The following ACTR6 variants were observed in gnomAD, a reference collection of about 807,000 sequenced individuals.
The protein encoded by ACTR6 is actin-related protein 6.
A neutral mutation model predicts 52.5 loss-of-function variants in ACTR6; 50 were observed. That is an observed-to-expected ratio of 0.95 (90% CI 0.76 to 1.20). The LOEUF (loss-of-function observed/expected upper bound fraction) is 1.20, where lower values mean the gene tolerates loss of function less well. ACTR6 is among the 50% of genes most tolerant of loss of function. ACTR6 has a pLI of 0.00. For missense variants in ACTR6, 344 were observed against 472.4 expected, an observed-to-expected ratio of 0.73 and a Z score of 2.52; for synonymous variants, 135 against 147.2, an observed-to-expected ratio of 0.92 and a Z score of 0.60.
chr12:100,212,184 A>C, intron 6 of ACTR6, 72 bp from the exon 7 acceptor site: 6 of 1,141,176 alleles, frequency 5.3e-6, no homozygotes, highest in Non-Finnish European at 7.4e-6. Flanking sequence ...TAATTCCAGA[A>C]AAAAATTTCA....
In ACTR6 at chr12:100,218,143, T is replaced by G. The variant is rs151186609; in HGVS notation, c.751-272T>G. ...GTGTGAGCCAGGGCACCTGGCCCTC[T>G]TTGTATTTTAAAGTGTGTGGAATAA... is the stretch of plus-strand genomic sequence containing the variant. On this transcript the variant is annotated intron_variant, in intron 8 of 10. Transcript: ENST00000188312. The surrounding 1 kb of genome is among the most constrained non-coding windows in gnomAD (Gnocchi z 4.2). 1.7e-3 allele frequency among the ~76,000 whole-genome samples: 262 copies of G among 152,220 alleles called. 1 individual carries two copies. The highest frequency in any genetic ancestry group is 5.8e-3 in the African/African-American group (242 of 41,556).
In ACTR6 at chr12:100,218,539, T is replaced by C. The variant is rs1313055342; in HGVS notation, c.875T>C (p.Met292Thr). ...CCTTCTGATATAGGCATTCAAGAAA[T>C]GGGAATTCCAGAAGCTATTGTCTAT... ...FNPSDIGIQE[M>T]GIPEAIVYSI... The change falls in exon 9 of 11, where the codon ATG becomes ACG. Residue 292 changes from methionine to threonine, a missense_variant. By Grantham distance (81) the Met-to-Thr change is moderately conservative. Transcript: ENST00000188312. The surrounding 1 kb of genome is among the most constrained non-coding windows in gnomAD (Gnocchi z 4.2). 3 of 1,578,832 alleles carry C rather than the reference T, an allele frequency of 1.9e-6. No individual in the cohort carries two copies. Among genetic ancestry groups the C allele is most frequent in the Non-Finnish European group, 2.6e-6 (3 of 1,162,214 alleles).
chr12:100,201,538 T>C (rs902161902), intron 1 of ACTR6, among the ~76,000 whole-genome samples: 1 of 152,254 alleles, frequency 6.6e-6, no homozygotes, highest in Non-Finnish European at 1.5e-5. Flanking sequence ...AATTCTTTCC[T>C]TCCTCCCTCC....
intron 9 of ACTR6, 124 bp from the exon 10 acceptor site, chr12:100,219,884 T>G (rs1455273132): frequency 1.1e-6 from 1 of 937,198 alleles, no homozygotes; most frequent in African/African-American, 1.7e-5. Context: ...ATTTATTTGG[T>G]TTCCCACCAG....
intron 4 of ACTR6, among the ~76,000 whole-genome samples, chr12:100,208,115 C>T (rs1210366089): frequency 2.6e-5 from 4 of 151,816 alleles, no homozygotes; most frequent in Non-Finnish European, 5.9e-5. Context: ...GAGCTATGAT[C>T]GTGCCAGCCT....
At chr12:100,211,143 G>A (rs561971265) in intron 6 of ACTR6, among the ~76,000 whole-genome samples, 7 of 152,108 alleles carry the variant, frequency 4.6e-5, no homozygotes, top group Non-Finnish European at 7.4e-5. Flanking sequence ...CCTGCACTTC[G>A]CGCCCCTGAG....
At chr12:100,214,477 TACC>T (rs1180105452) in intron 8 of ACTR6, among the ~76,000 whole-genome samples, 2 of 151,438 alleles carry the variant, frequency 1.3e-5, no homozygotes, top group African/African-American at 4.9e-5. Flanking sequence ...GGCACACACC[TACC>T]TATAATCCCA....
intron 4 of ACTR6, among the ~76,000 whole-genome samples, chr12:100,209,594 T>C (rs980667914): frequency 6.6e-6 from 1 of 152,192 alleles, no homozygotes; most frequent in Non-Finnish European, 1.5e-5. Context: ...CCAATGTCAA[T>C]AGTTCTGAGG....
chr12:100,200,978 C>T, intron 1 of ACTR6, 59 bp downstream of exon 1: 1 of 1,612,146 alleles, frequency 6.2e-7, no homozygotes, highest in South Asian at 1.1e-5. Flanking sequence ...TCATGTGCTA[C>T]GTTTCATCTC....
At chr12:100,204,783 C>T (rs1402536879) in intron 1 of ACTR6, among the ~76,000 whole-genome samples, 157 bp from the exon 2 acceptor site, 1 of 152,250 alleles carries the variant, frequency 6.6e-6, no homozygotes, top group African/African-American at 2.4e-5. Flanking sequence ...TGAGCCCCCA[C>T]TCCCAGCCTT....
At chr12:100,212,868 G>A (rs946085830) in intron 8 of ACTR6, among the ~76,000 whole-genome samples, 12 of 151,742 alleles carry the variant, frequency 7.9e-5, no homozygotes, top group African/African-American at 2.2e-4. Context: ...TTAGCCAGGT[G>A]TGGTGGCAGG....
At chr12:100,210,241 A>C in intron 5 of ACTR6, 33 bp downstream of exon 5, 2 of 1,603,510 alleles carry the variant, frequency 1.2e-6, no homozygotes, top group East Asian at 2.2e-5. Context: ...GTTGTTTCTA[A>C]AGATTAAACA....
chr12:100,214,945 A>G (rs2096122863), intron 8 of ACTR6, among the ~76,000 whole-genome samples: 1 of 152,174 alleles, frequency 6.6e-6, no homozygotes, highest in African/African-American at 2.4e-5. Flanking sequence ...AACTGCCCCA[A>G]ACATTTAAAT....
intron 8 of ACTR6, among the ~76,000 whole-genome samples, chr12:100,216,024 A>G (rs1252280024): frequency 6.6e-6 from 1 of 152,248 alleles, no homozygotes; most frequent in Non-Finnish European, 1.5e-5. Context: ...CTTTCTTATC[A>G]GAAAGAGGAA....
chr12:100,215,187 T>C (rs186412367), intron 8 of ACTR6, among the ~76,000 whole-genome samples: 2 of 152,322 alleles, frequency 1.3e-5, no homozygotes, highest in African/African-American at 4.8e-5. Context: ...GTGTTCTCAG[T>C]TCCTCTTCCT....
At chr12:100,223,674 A>C in intron 10 of ACTR6, 112 bp from the exon 11 acceptor site, 1 of 1,349,170 alleles carries the variant, frequency 7.4e-7, no homozygotes, top group East Asian at 2.4e-5. Flanking sequence ...GCCACATTTT[A>C]ATGGCAAAAA....
intron 8 of ACTR6, among the ~76,000 whole-genome samples, chr12:100,214,572 AAAAAAAATT>A (rs2096122512): frequency 6.6e-6 from 1 of 151,980 alleles, no homozygotes; most frequent in Non-Finnish European, 1.5e-5. Flanking sequence ...CAAAAAAAAA[AAAAAAAATT>A]AAAATTAGCT....
chr12:100,219,969 T>C, intron 9 of ACTR6, 39 bp from the exon 10 acceptor site: 2 of 1,603,504 alleles, frequency 1.2e-6, no homozygotes, highest in Non-Finnish European at 1.7e-6. Context: ...GATTTTCTAA[T>C]GCCTTTTTTC....
At chr12:100,208,381 T>C (rs1310536188) in intron 4 of ACTR6, among the ~76,000 whole-genome samples, 1 of 152,078 alleles carries the variant, frequency 6.6e-6, no homozygotes, top group Non-Finnish European at 1.5e-5. Flanking sequence ...GTTCAAGCGA[T>C]TCTCCTGCCT....
Sources: allele counts gnomAD v4.1 joint callset (sites outside exome capture counted in the v4.1 genomes callset), GRCh38; gene constraint gnomAD v4.1.1; non-coding constraint Gnocchi (gnomAD v3.1); transcripts MANE v1.5; gene names NCBI Gene and HGNC (gene_info 2026-07-23, HGNC 2026-07-21).